Variants in ATAD2B observed in about 807,000 individuals in gnomAD.
The protein encoded by ATAD2B is ATPase family AAA domain-containing protein 2B.
In ATAD2B, 40 loss-of-function variants were observed where a neutral mutation model predicts 167.6. The observed-to-expected ratio is 0.24, with a 90% CI of 0.19 to 0.31. ATAD2B has a LOEUF of 0.31. Ranked by LOEUF, ATAD2B falls within the 10% of genes least tolerant of loss-of-function variation. The pLI is 1.00. For synonymous variants in ATAD2B, 579 were observed against 596.5 expected (o/e 0.97, Z 0.43); for missense variants, 1,242 against 1,757.2 (o/e 0.71, Z 5.24).
chr2:23,806,653 G>GA (rs1684438808), intron 18 of ATAD2B, among the ~76,000 whole-genome samples: 1 of 151,924 alleles, frequency 6.6e-6, no homozygotes. Context: ...ATTAATTTAG[G>GA]AAAAAACCTC....
chr2:23,825,011 A>G (rs1385992183), intron 15 of ATAD2B, among the ~76,000 whole-genome samples: 1 of 151,912 alleles, frequency 6.6e-6, no homozygotes, highest in East Asian at 1.9e-4. Context: ...GTGGGTGATC[A>G]TGGCTCACCG....
At chr2:23,887,458 A>G (rs1432759268) in intron 4 of ATAD2B, among the ~76,000 whole-genome samples, 1 of 152,214 alleles carries the variant, frequency 6.6e-6, no homozygotes. Flanking sequence ...TAGTAACTTA[A>G]GCCCAAATTT....
intron 13 of ATAD2B, among the ~76,000 whole-genome samples, chr2:23,852,398 T>G (rs951799154): frequency 1.3e-5 from 2 of 152,094 alleles, no homozygotes; most frequent in African/African-American, 4.8e-5. Context: ...GTGTTGAGAT[T>G]ACAGGCATGC....
intron 22 of ATAD2B, among the ~76,000 whole-genome samples, chr2:23,781,986 G>C (rs1264250721): frequency 6.6e-6 from 1 of 151,980 alleles, no homozygotes; most frequent in African/African-American, 2.4e-5. Flanking sequence ...GCTAATTTTT[G>C]TAATTTTTTT....
intron 1 of ATAD2B, among the ~76,000 whole-genome samples, chr2:23,916,218 AT>A (rs1260839936): frequency 6.6e-6 from 1 of 152,238 alleles, no homozygotes; most frequent in African/African-American, 2.4e-5. Context: ...AGAGTTCACT[AT>A]TCTTTCATTA....
At chr2:23,745,426 G>GAA, downstream of ATAD2B, among the ~76,000 whole-genome samples, 4 of 45,724 alleles carry the variant, frequency 8.7e-5, no homozygotes, top group Non-Finnish European at 1.7e-4. Context: ...GGAAGGAAAG[G>GAA]GAAGGGAAGG....
chr2:23,821,009 G>A (rs756176030), intron 16 of ATAD2B, among the ~76,000 whole-genome samples: 4 of 152,090 alleles, frequency 2.6e-5, no homozygotes, highest in Non-Finnish European at 5.9e-5. Flanking sequence ...AAATAACTGA[G>A]TATCTTTTGA....
chr2:23,889,948 C>T (rs1699237210), intron 2 of ATAD2B, among the ~76,000 whole-genome samples: 1 of 151,328 alleles, frequency 6.6e-6, no homozygotes, highest in African/African-American at 2.4e-5. Context: ...GGCGCGGTGG[C>T]TCATGCCTGT....
intron 19 of ATAD2B, among the ~76,000 whole-genome samples, chr2:23,796,732 C>T (rs913647665): frequency 2.0e-5 from 3 of 152,222 alleles, no homozygotes; most frequent in African/African-American, 7.2e-5. Flanking sequence ...ACTTCAGCTG[C>T]ATTCCTACTT....
At chr2:23,906,240 C>CT (rs1383063692) in intron 1 of ATAD2B, among the ~76,000 whole-genome samples, 1 of 151,816 alleles carries the variant, frequency 6.6e-6, no homozygotes, top group Non-Finnish European at 1.5e-5. Flanking sequence ...ACTCAGGAGA[C>CT]TGAGACAGGA....
At chr2:23,853,890 G>A (rs992912241) in intron 13 of ATAD2B, among the ~76,000 whole-genome samples, 11 of 152,148 alleles carry the variant, frequency 7.2e-5, no homozygotes, top group Non-Finnish European at 1.0e-4. Flanking sequence ...TGTCAAAGAC[G>A]TGCCAAGAAA....
At chr2:23,804,782 TA>T (rs1572828280) in intron 18 of ATAD2B, among the ~76,000 whole-genome samples, 2 of 151,640 alleles carry the variant, frequency 1.3e-5, no homozygotes, top group Non-Finnish European at 2.9e-5. Context: ...TTTGTGAATA[TA>T]TATACAAATT....
intron 6 of ATAD2B, 78 bp from the exon 7 acceptor site, chr2:23,880,833 A>G (rs1196717067): frequency 4.8e-6 from 4 of 825,024 alleles, no homozygotes; most frequent in African/African-American, 1.7e-5. Flanking sequence ...AGAACTGAAT[A>G]TTTACACTTT....
the ATAD2B span, among the ~76,000 whole-genome samples, chr2:23,725,956 T>C: frequency 1.3e-5 from 2 of 151,884 alleles, no homozygotes; most frequent in Non-Finnish European, 2.9e-5. Context: ...GAAAACAGTA[T>C]GACAATTCCT....
intron 18 of ATAD2B, chr2:23,808,860 T>C (rs553511315): frequency 3.3e-5 from 5 of 152,296 alleles, no homozygotes; most frequent in African/African-American, 1.2e-4. Flanking sequence ...CAGTTTTATT[T>C]TGTATTTCCC....
chr2:23,721,641 G>T, the ATAD2B span, among the ~76,000 whole-genome samples: 1 of 151,946 alleles, frequency 6.6e-6, no homozygotes, highest in African/African-American at 2.4e-5. Flanking sequence ...GCAGCCCTCT[G>T]GGCCACCACC....
At chr2:23,720,190 C>G in the ATAD2B span, among the ~76,000 whole-genome samples, 1 of 152,174 alleles carries the variant, frequency 6.6e-6, no homozygotes, top group Non-Finnish European at 1.5e-5. Flanking sequence ...GCAAAAACAA[C>G]AAATAAACAG....
the ATAD2B span, among the ~76,000 whole-genome samples, chr2:23,739,796 A>T: frequency 1.3e-5 from 2 of 152,202 alleles, no homozygotes; most frequent in African/African-American, 4.8e-5. Context: ...AAATTGATAG[A>T]CCACTAGCAA....
At chr2:23,735,379 G>A in the ATAD2B span, among the ~76,000 whole-genome samples, 8 of 152,270 alleles carry the variant, frequency 5.3e-5, no homozygotes, top group Non-Finnish European at 1.0e-4. Flanking sequence ...CACCTGAATG[G>A]AACGGTCACT....
Sources: gnomAD v4.1 joint callset for allele counts (sites outside exome capture counted in the v4.1 genomes callset) on GRCh38, gnomAD v4.1.1 for gene constraint, MANE v1.5 for transcripts, NCBI Gene and HGNC (gene_info 2026-07-23, HGNC 2026-07-21) for gene names.